DSCC1: variants seen among roughly 807,000 people sequenced by gnomAD.
DSCC1 encodes the protein DNA replication and sister chromatid cohesion 1.
Under a neutral mutation model 48.2 loss-of-function variants are expected in DSCC1, and 32 were observed. The ratio of observed to expected loss-of-function variants is 0.66; its 90% CI spans 0.50 to 0.89. The LOEUF (loss-of-function observed/expected upper bound fraction) is 0.89, where lower values mean the gene tolerates loss of function less well. Ranked by LOEUF, DSCC1 falls within the 40% of genes least tolerant of loss-of-function variation. The pLI is 0.00. For missense variants in DSCC1, 421 were observed against 471.7 expected (o/e 0.89, Z 1.00); for synonymous variants, 150 against 171.5 (o/e 0.87, Z 0.98).
chr8:119,840,666 C>T (rs1375775425), intron 7 of DSCC1, among the ~76,000 whole-genome samples: 1 of 152,132 alleles, frequency 6.6e-6, no homozygotes, highest in African/African-American at 2.4e-5. Flanking sequence ...AATCTCAGCA[C>T]TTTGGGAGGC....
At chr8:119,850,637 T>G in intron 2 of DSCC1, 121 bp from the exon 3 acceptor site, 5 of 865,558 alleles carry the variant, frequency 5.8e-6, no homozygotes, top group Non-Finnish European at 8.2e-6. Context: ...GTATTCTGCT[T>G]TGTATCAGGA....
rs1826647624 is a variant in DSCC1, at chr8:119,834,692, G to A, written c.*201C>T. On this transcript the variant is annotated 3_prime_UTR_variant, in exon 9 of 9. Coordinates refer to ENST00000313655, the MANE Select transcript of DSCC1 (RefSeq NM_024094.3). ...ATTCTTTTGTCCTTGTTTACACTGTGTACATAGTACAAATATAATTTTAAA... is the reference window on the plus strand; with the variant it reads ...ATTCTTTTGTCCTTGTTTACACTGTATACATAGTACAAATATAATTTTAAA... 2 of 541,798 alleles carry A rather than the reference G, an allele frequency of 3.7e-6. No individual in the cohort carries two copies. Among genetic ancestry groups the A allele is most frequent in the Non-Finnish European group, 3.3e-6 (1 of 306,182 alleles). The allele number at this position is 541,798 out of a possible 1,614,324, so 33.6% of individuals were successfully genotyped here.
intron 3 of DSCC1, 109 bp downstream of exon 3, chr8:119,850,273 C>T (rs1826925924): frequency 8.9e-7 from 1 of 1,126,582 alleles, no homozygotes; most frequent in South Asian, 2.1e-5. Context: ...TTAACACAAG[C>T]ATTTATAACA....
At chr8:119,848,558 C>T (rs182283565) in intron 3 of DSCC1, among the ~76,000 whole-genome samples, 34 of 152,300 alleles carry the variant, frequency 2.2e-4, no homozygotes, top group Middle Eastern at 3.4e-3. Flanking sequence ...GGAAACAGTA[C>T]GGCAGCTTGA....
Position 119,850,431 on chromosome 8 carries a change from G to A in DSCC1, c.437C>T (p.Pro146Leu). 2 of 1,601,446 alleles carry A rather than the reference G, an allele frequency of 1.2e-6. No homozygotes were observed. Reference protein sequence around the residue: ...KKLKKLLMENPYEGPDSQKEK... With the variant: ...KKLKKLLMENLYEGPDSQKEK... The stretch of plus-strand genomic sequence containing the variant: ...TTTTTGACTGTCAGGTCCTTCATAT[G>A]GATTTTCCATCAAAAGTTTCTTTAG... Residue 146 changes from proline to leucine, a missense_variant, in exon 3 of 9, where the codon CCA (proline) becomes CTA (leucine). Coordinates refer to ENST00000313655, the MANE Select transcript of DSCC1 (RefSeq NM_024094.3).
At position 119,855,505 on chromosome 8, in the gene DSCC1, C is replaced by T. The variant is rs1827003637; in HGVS notation, c.182+109G>A. The T allele has an allele frequency of 2.2e-6, 3 of 1,390,014 alleles. No homozygotes were observed. The South Asian group carries it at 4.5e-5, about 21-fold the overall frequency. The allele number at this position is 1,390,014 out of a possible 1,614,324, so 86.1% of individuals were successfully genotyped here. ...GAACAGGCAGCTTGCTATGAGCCCC[C>T]GGCCAGGTCAGTGCATCTCTCTGGC... On this transcript the variant is annotated intron_variant, in intron 1 of 8. Transcript: ENST00000313655.
chr8:119,843,697 C>A lies in DSCC1; in HGVS notation c.628G>T (p.Val210Leu). 1 of 1,613,984 alleles carries A rather than the reference C, an allele frequency of 6.2e-7. No homozygotes were observed. Among genetic ancestry groups the A allele is most frequent in the Non-Finnish European group, 8.5e-7 (1 of 1,179,990 alleles). The change falls in exon 5 of 9, where the codon GTA (valine) becomes TTA (leucine). Residue 210 changes from valine to leucine, a missense_variant. Physicochemically the swap from Val to Leu is conservative, Grantham distance 32 (BLOSUM62 1). This residue lies in a region of DSCC1 where 238 missense variants were observed against 259.0 expected (regional missense o/e 0.92). Transcript: ENST00000313655. The part of the protein sequence containing the change: ...FDYEMKLLNH[V>L]TQLVDSESWS... ...GATTCAGAATCCACAAGCTGAGTTACATGATTCAGAAGTTTCATCTCATAA... is the reference window on the plus strand; with the variant it reads ...GATTCAGAATCCACAAGCTGAGTTAAATGATTCAGAAGTTTCATCTCATAA...
rs549238907 is a variant in DSCC1 at position 119,845,717 on chromosome 8, G to A, written c.577+1273C>T. ...TAATCTCAGCACTTTGGGAGGCCAAGGCAGGAGGATCACCTGAGCTGAGAG... is the reference window on the plus strand; with the variant it reads ...TAATCTCAGCACTTTGGGAGGCCAAAGCAGGAGGATCACCTGAGCTGAGAG... On this transcript the variant is annotated intron_variant, in intron 4 of 8. Coordinates refer to ENST00000313655, the MANE Select transcript of DSCC1 (RefSeq NM_024094.3). 6.6e-5 allele frequency among the ~76,000 whole-genome samples: 10 copies of A among 151,800 alleles called. No individual in the cohort carries two copies. The East Asian group carries it at 1.9e-3, about 30-fold the overall frequency.
intron 6 of DSCC1, among the ~76,000 whole-genome samples, chr8:119,842,388 T>TTTC (rs1826786133): frequency 6.6e-6 from 1 of 151,046 alleles, no homozygotes; most frequent in South Asian, 2.1e-4. Context: ...TTTTTTTTTT[T>TTTC]TTTCTTTCTG....
At chr8:119,837,426 A>G (rs994513517) in intron 8 of DSCC1, among the ~76,000 whole-genome samples, 1 of 152,170 alleles carries the variant, frequency 6.6e-6, no homozygotes, top group Non-Finnish European at 1.5e-5. Context: ...CACTGCTTCT[A>G]TGTTCTGAAA....
intron 6 of DSCC1, among the ~76,000 whole-genome samples, chr8:119,842,318 C>T (rs974261805): frequency 9.2e-5 from 14 of 151,846 alleles, no homozygotes; most frequent in African/African-American, 2.7e-4. Flanking sequence ...TCAGGTGATC[C>T]GCACACCTTG....
intron 2 of DSCC1, among the ~76,000 whole-genome samples, chr8:119,851,398 AGT>A (rs1432984853): frequency 5.9e-5 from 9 of 152,224 alleles, no homozygotes; most frequent in Non-Finnish European, 4.4e-5. Context: ...CATAGTTAAA[AGT>A]GGTTTGCTGT....
At position 119,847,747 on chromosome 8, in the gene DSCC1, C is replaced by T. The variant is rs1047686474; in HGVS notation, c.487-667G>A. The stretch of plus-strand genomic sequence containing the variant: ...ATGGTGCGATCTTGGCTCACCACAA[C>T]CTCTGCCTCCCAGGTTCAAACGATT... On this transcript the variant is annotated intron_variant, in intron 3 of 8. Coordinates refer to ENST00000313655, the MANE Select transcript of DSCC1 (RefSeq NM_024094.3). Among the ~76,000 whole-genome samples, 4 of 151,356 alleles carry T rather than the reference C, an allele frequency of 2.6e-5. No individual in the cohort carries two copies. In the South Asian group the frequency reaches 8.3e-4, roughly 31 times the overall value.
In DSCC1 at chr8:119,834,547, G is replaced by A; in HGVS notation, c.*346C>T. ...TGAAACTATTACTATTTAGTTCTCT[G>A]GAAAACTTAAGTGTATTAATGATTA... On this transcript the variant is annotated 3_prime_UTR_variant, in exon 9 of 9. Coordinates refer to ENST00000313655, the MANE Select transcript of DSCC1 (RefSeq NM_024094.3). The A allele has an allele frequency of 4.9e-6, 1 of 202,652 alleles. No individual in the cohort carries two copies. Among genetic ancestry groups the A allele is most frequent in the Non-Finnish European group, 9.8e-6 (1 of 101,790 alleles). 12.6% of individuals were successfully genotyped at this position (202,652 alleles called of 1,614,324 possible).
intron 4 of DSCC1, 34 bp from the exon 5 acceptor site, chr8:119,843,781 C>CTTT (rs749593427): frequency 2.4e-6 from 3 of 1,263,412 alleles, no homozygotes; most frequent in South Asian, 1.4e-5. Flanking sequence ...TACCAAAGAA[C>CTTT]TTTTTTTTTT....
At chr8:119,848,956 G>A (rs974301478) in intron 3 of DSCC1, among the ~76,000 whole-genome samples, 5 of 151,668 alleles carry the variant, frequency 3.3e-5, no homozygotes, top group African/African-American at 1.2e-4. Flanking sequence ...AGGCCGAGGC[G>A]GGTGGATCAC....
intron 4 of DSCC1, among the ~76,000 whole-genome samples, chr8:119,844,933 A>G (rs114696593): frequency 6.6e-6 from 1 of 152,276 alleles, no homozygotes; most frequent in African/African-American, 2.4e-5. Context: ...ACTCATGAAG[A>G]AGTCCAGCTC....
chr8:119,853,240 T>C (rs752734552), intron 1 of DSCC1, 25 bp from the exon 2 acceptor site: 6 of 1,591,778 alleles, frequency 3.8e-6, no homozygotes, highest in South Asian at 3.4e-5. Context: ...GGGAAAAATA[T>C]ATAGTTTATT....
intron 7 of DSCC1, 57 bp downstream of exon 7, chr8:119,841,732 GTATCA>G: frequency 6.4e-7 from 1 of 1,566,086 alleles, no homozygotes; most frequent in Non-Finnish European, 8.7e-7. Flanking sequence ...TCCAACTCAA[GTATCA>G]TTCACCTAGT....
Sources: gnomAD v4.1 joint callset for allele counts (sites outside exome capture counted in the v4.1 genomes callset) on GRCh38, gnomAD v4.1.1 for gene constraint, gnomAD v4.1.1 regional missense constraint, MANE v1.5 for transcripts, NCBI Gene and HGNC (gene_info 2026-07-23, HGNC 2026-07-21) for gene names.